PJVK: variants seen among roughly 807,000 people sequenced by gnomAD.
PJVK encodes the protein pejvakin, also known as autosomal recessive deafness type 59 protein.
A neutral mutation model predicts 37.6 loss-of-function variants in PJVK; 33 were observed. The ratio of observed to expected loss-of-function variants is 0.88; its 90% CI spans 0.67 to 1.17. PJVK has a LOEUF of 1.17. PJVK is among the 50% of genes most tolerant of loss of function. The probability of loss-of-function intolerance (pLI) is 0.00; values close to 1 mark genes in which losing one functional copy is unlikely to be tolerated. For synonymous variants in PJVK, 141 were observed against 143.5 expected (o/e 0.98, Z 0.13); for missense variants, 410 against 413.8 (o/e 0.99, Z 0.08).
Position 178,461,584 on chromosome 2 carries a change from C to CTTTTTTT in PJVK, c.*322_*328dup, listed in dbSNP as rs536141412. Among the ~76,000 whole-genome samples the CTTTTTTT allele has an allele frequency of 1.5e-3, 180 of 122,750 alleles. 3 individuals are homozygous for CTTTTTTT. Among genetic ancestry groups the CTTTTTTT allele is most frequent in the East Asian group, 8.5e-3 (31 of 3,642 alleles). The allele number at this position is 122,750 out of a possible 152,430, so 80.5% of individuals were successfully genotyped here. A position where few individuals can be genotyped will look rare whatever the true frequency, so the allele number is the denominator to read the frequency against. ...GATGTAGTCTATCATTTTAGTTCAC[C>CTTTTTTT]TTTTTTTTTTTTTTTTTTGAGACAG... On this transcript the variant is annotated 3_prime_UTR_variant, in exon 7 of 7. Coordinates refer to ENST00000644580, the MANE Select transcript of PJVK (RefSeq NM_001042702.5).
chr2:178,460,952 C>T (rs1281387681), intron 6 of PJVK, 30 bp from the exon 7 acceptor site: 1 of 1,562,384 alleles, frequency 6.4e-7, no homozygotes, highest in Non-Finnish European at 8.7e-7. Context: ...TCACTTCTAA[C>T]ACATTTCTTT....
intron 3 of PJVK, chr2:178,455,035 C>T: frequency 8.4e-7 from 1 of 1,189,978 alleles, no homozygotes; most frequent in Non-Finnish European, 1.3e-6. Flanking sequence ...GTGGTGGTGG[C>T]ATCCAACGGC....
intron 1 of PJVK, 51 bp downstream of exon 1, chr2:178,451,820 G>T (rs1697684367): frequency 1.0e-6 from 1 of 985,304 alleles, no homozygotes; most frequent in South Asian, 4.7e-5. Context: ...GCCTTTCCGG[G>T]GACCTGGGTA....
intron 4 of PJVK, 107 bp from the exon 5 acceptor site, chr2:178,458,403 A>T (rs1684263258): frequency 2.2e-6 from 2 of 903,074 alleles, no homozygotes; most frequent in South Asian, 1.6e-5. Flanking sequence ...TTACTTGGGA[A>T]TTTTTTGTTT....
rs904763922 is a variant in PJVK at position 178,462,058 on chromosome 2, T to C, written c.*784T>C. On this transcript the variant is annotated 3_prime_UTR_variant, in exon 7 of 7. Coordinates refer to ENST00000644580, the MANE Select transcript of PJVK (RefSeq NM_001042702.5). ...ATGTGTTAATAATTTAATGCAATCT[T>C]AAATGTTTAATTGCAGTATCAAATT... Among the ~76,000 whole-genome samples, 2 of 152,226 alleles carry C rather than the reference T, an allele frequency of 1.3e-5. No individual in the cohort carries two copies. Among genetic ancestry groups the C allele is most frequent in the Non-Finnish European group, 2.9e-5 (2 of 68,038 alleles).
intron 3 of PJVK, chr2:178,455,518 G>A (rs1212372272): frequency 2.4e-6 from 2 of 847,752 alleles, no homozygotes; most frequent in Non-Finnish European, 4.1e-6. Flanking sequence ...TGGGCCTCAG[G>A]GCTTGGGGCA....
rs944287431 is a variant in PJVK, at chr2:178,453,396, G to T, written c.-14G>T. 2.5e-6 allele frequency: 4 copies of T among 1,613,884 alleles called. No individual in the cohort carries two copies. The highest frequency in any genetic ancestry group is 3.4e-6 in the Non-Finnish European group (4 of 1,179,908). On this transcript the variant is annotated 5_prime_UTR_variant, in exon 2 of 7. Coordinates refer to ENST00000644580, the MANE Select transcript of PJVK (RefSeq NM_001042702.5). ...TTATCTGGGGGTTGCAGTTGATGAC[G>T]TTTTGATTTTAATATGTTTGCTGCT...
At chr2:178,454,660 C>T (rs1638983111) in intron 3 of PJVK, 133 bp downstream of exon 3, 3 of 1,422,200 alleles carry the variant, frequency 2.1e-6, no homozygotes, top group East Asian at 4.9e-5. Context: ...GTTTGAAATA[C>T]ATTGGTAGTA....
At chr2:178,455,699 T>G (rs1180602531) in intron 3 of PJVK, among the ~76,000 whole-genome samples, 4 of 151,752 alleles carry the variant, frequency 2.6e-5, no homozygotes, top group Non-Finnish European at 4.4e-5. Context: ...TCCACAAAAT[T>G]ACTTTGGCTC....
chr2:178,455,534 G>T, intron 3 of PJVK: 1 of 779,124 alleles, frequency 1.3e-6, no homozygotes, highest in Non-Finnish European at 2.3e-6. Flanking sequence ...GGGCAGGCAT[G>T]GGACTGGCCC....
At chr2:178,452,012 G>A in intron 1 of PJVK, 1 of 436,390 alleles carries the variant, frequency 2.3e-6, no homozygotes, top group Non-Finnish European at 3.0e-6. Context: ...GTGATTTATG[G>A]GCGGGCGCGG....
rs1684480306 is a variant in PJVK, at chr2:178,461,081, T to C, written c.866T>C (p.Leu289Pro). The C allele has an allele frequency of 6.2e-7, 1 of 1,614,098 alleles. No individual in the cohort carries two copies. The highest frequency in any genetic ancestry group is 8.5e-7 in the Non-Finnish European group (1 of 1,180,014). The change falls in exon 7 of 7, where the codon CTC becomes CCC. Residue 289 changes from leucine (L) to proline (P), a missense_variant. By Grantham distance (98) the Leu-to-Pro change is moderately conservative. Coordinates refer to ENST00000644580, the MANE Select transcript of PJVK (RefSeq NM_001042702.5). The stretch of plus-strand genomic sequence containing the variant: ...CCTCTCAGCATGACTGATATTTCAC[T>C]CAAAGAAGGGACCCATATCCGAGTT... ...DKPLSMTDIS[L>P]KEGTHIRVNL...
chr2:178,458,690 T>C (rs1575121878), intron 5 of PJVK, 63 bp downstream of exon 5: 2 of 1,209,058 alleles, frequency 1.7e-6, no homozygotes, highest in East Asian at 4.7e-5. Flanking sequence ...CATTAGGGCA[T>C]GTGCTCTCTC....
chr2:178,452,620 A>G (rs1399135867), intron 1 of PJVK: 1 of 985,440 alleles, frequency 1.0e-6, no homozygotes, highest in Non-Finnish European at 1.2e-6. Context: ...CCAGAACTTT[A>G]TATAGCTCTT....
chr2:178,455,707 C>A (rs541368645), intron 3 of PJVK, among the ~76,000 whole-genome samples: 1 of 151,096 alleles, frequency 6.6e-6, no homozygotes, highest in East Asian at 2.0e-4. Context: ...ATTACTTTGG[C>A]TCTACACACA....
intron 2 of PJVK, 109 bp downstream of exon 2, chr2:178,453,729 A>G (rs1697862797): frequency 1.1e-6 from 1 of 913,600 alleles, no homozygotes. Context: ...CAATGATTAA[A>G]GCAACTTTTA....
At position 178,460,913 on chromosome 2, in the gene PJVK, A is replaced by G. The variant is rs149849375; in HGVS notation, c.767-69A>G. The G allele has an allele frequency of 1.7e-3, 2,382 of 1,410,360 alleles. 47 individuals are homozygous for G. In the South Asian group the frequency reaches 0.018, roughly 11 times the overall value. 87.4% of individuals were successfully genotyped at this position (1,410,360 alleles called of 1,614,324 possible). On this transcript the variant is annotated intron_variant, in intron 6 of 6. Transcript: ENST00000644580. ...GACTAGTGGATTCACATATTTATTA[A>G]TGCTGTTTGCATTATGTATTTTTCA...
At chr2:178,457,584 T>TCCCTCCCACC (rs1684205763) in intron 4 of PJVK, among the ~76,000 whole-genome samples, 1 of 152,156 alleles carries the variant, frequency 6.6e-6, no homozygotes, top group Non-Finnish European at 1.5e-5. Flanking sequence ...TGAAAAGCCG[T>TCCCTCCCACC]GCTTTTGTGC....
At chr2:178,453,875 T>C (rs1260054019) in intron 2 of PJVK, 1 of 418,664 alleles carries the variant, frequency 2.4e-6, no homozygotes, top group Non-Finnish European at 4.5e-6. Flanking sequence ...CAACTTAGAA[T>C]ATGACATATT....
Sources: gnomAD v4.1 joint callset for allele counts (sites outside exome capture counted in the v4.1 genomes callset) on GRCh38, gnomAD v4.1.1 for gene constraint, MANE v1.5 for transcripts, NCBI Gene and HGNC (gene_info 2026-07-23, HGNC 2026-07-21) for gene names.